PDZD2: variants seen among roughly 807,000 people sequenced by gnomAD.
PDZD2 encodes PDZ domain-containing protein 2.
In PDZD2, 90 loss-of-function variants were observed where a neutral mutation model predicts 220.7. That is an observed-to-expected ratio of 0.41 (90% CI 0.34 to 0.49). The LOEUF (loss-of-function observed/expected upper bound fraction) is 0.49. Ranked by LOEUF, PDZD2 falls within the 20% of genes least tolerant of loss-of-function variation. The pLI, the probability that PDZD2 is intolerant of heterozygous loss-of-function variation, is 0.28. For missense variants in PDZD2, 3,174 were observed against 3,608.5 expected (o/e 0.88, Z 3.08); for synonymous variants, 1,375 against 1,450.5 (o/e 0.95, Z 1.18).
At chr5:31,673,344 A>G (rs114224840) in intron 1 of PDZD2, among the ~76,000 whole-genome samples, 1,549 of 152,318 alleles carry the variant, frequency 0.01, 21 homozygotes, top group African/African-American at 0.035. Flanking sequence ...GGGGGAATGC[A>G]CTGCGAGCTC....
intron 1 of PDZD2, among the ~76,000 whole-genome samples, chr5:31,640,430 C>G (rs762549922): frequency 4.6e-5 from 7 of 152,224 alleles, no homozygotes; most frequent in Admixed American, 1.3e-4. Flanking sequence ...CTGCAGCTGG[C>G]CTAACCTCTT....
chr5:31,991,469 C>G (rs1255591069), intron 3 of PDZD2, among the ~76,000 whole-genome samples: 1 of 152,118 alleles, frequency 6.6e-6, no homozygotes, highest in East Asian at 1.9e-4. Flanking sequence ...GCTTGTGGAT[C>G]ATCTTTAGCC....
At chr5:31,823,050 GC>G in intron 2 of PDZD2, 2 of 1,137,104 alleles carry the variant, frequency 1.8e-6, no homozygotes, top group South Asian at 1.2e-5. Flanking sequence ...TTCCTCTGGG[GC>G]CCTTCACAAT....
At chr5:31,663,785 G>A (rs561386130) in intron 1 of PDZD2, among the ~76,000 whole-genome samples, 29 of 152,312 alleles carry the variant, frequency 1.9e-4, no homozygotes, top group African/African-American at 5.3e-4. Context: ...CACTGCTGTC[G>A]TATGAATCAC....
chr5:31,981,798 A>C (rs765521604), intron 2 of PDZD2, among the ~76,000 whole-genome samples: 7 of 152,208 alleles, frequency 4.6e-5, no homozygotes, highest in Admixed American at 4.6e-4. Context: ...CTTAGGTAGC[A>C]TGAGTGGAGG....
chr5:31,793,177 T>C (rs1753819401), intron 1 of PDZD2, among the ~76,000 whole-genome samples: 1 of 147,942 alleles, frequency 6.8e-6, no homozygotes, highest in Non-Finnish European at 1.5e-5. Flanking sequence ...CACACAGTTA[T>C]GCTCAGAAAA....
intron 1 of PDZD2, among the ~76,000 whole-genome samples, chr5:31,722,073 A>G (rs1748840581): frequency 6.6e-6 from 1 of 152,128 alleles, no homozygotes; most frequent in Non-Finnish European, 1.5e-5. Flanking sequence ...CACTGCTTCC[A>G]TCCCCAAGCA....
At chr5:31,920,289 TAAATAAA>T (rs1744100791) in intron 2 of PDZD2, among the ~76,000 whole-genome samples, 2 of 84,122 alleles carry the variant, frequency 2.4e-5, no homozygotes, top group East Asian at 2.5e-4. Context: ...GTTTCAAAAA[TAAATAAA>T]AATAAATAAA....
chr5:31,933,605 C>G (rs1276960113), intron 2 of PDZD2, among the ~76,000 whole-genome samples: 1 of 151,548 alleles, frequency 6.6e-6, no homozygotes. Context: ...TGAGCCCCTG[C>G]CTACAAAGAT....
chr5:31,845,508 C>T (rs1161066428), intron 2 of PDZD2, among the ~76,000 whole-genome samples: 1 of 152,176 alleles, frequency 6.6e-6, no homozygotes, highest in Non-Finnish European at 1.5e-5. Context: ...GAAGAGAGAG[C>T]TAACAGTGGG....
At chr5:31,899,447 C>T (rs1174348940) in intron 2 of PDZD2, among the ~76,000 whole-genome samples, 1 of 152,088 alleles carries the variant, frequency 6.6e-6, no homozygotes, top group Non-Finnish European at 1.5e-5. Flanking sequence ...CCTCTCTTTT[C>T]ACAAGGGAAA....
intron 2 of PDZD2, among the ~76,000 whole-genome samples, chr5:31,881,688 A>G (rs747840636): frequency 1.8e-5 from 2 of 114,038 alleles, no homozygotes; most frequent in African/African-American, 7.3e-5. Flanking sequence ...ATGCATATAC[A>G]TAATACAATA....
chr5:31,667,722 C>A (rs554790930), intron 1 of PDZD2, among the ~76,000 whole-genome samples: 1 of 152,184 alleles, frequency 6.6e-6, no homozygotes, highest in Admixed American at 6.5e-5. Context: ...CAACAGCTCA[C>A]TCCTGAAGGC....
chr5:31,932,881 G>T (rs778475358), intron 2 of PDZD2, among the ~76,000 whole-genome samples: 2 of 149,580 alleles, frequency 1.3e-5, no homozygotes, highest in Non-Finnish European at 2.9e-5. Context: ...TTTATAACTG[G>T]CTTATTTCAC....
At chr5:31,765,780 G>A (rs2150192025) in intron 1 of PDZD2, among the ~76,000 whole-genome samples, 1 of 152,254 alleles carries the variant, frequency 6.6e-6, no homozygotes, top group African/African-American at 2.4e-5. Flanking sequence ...ACCTTTGCAG[G>A]GCCTCAAGAG....
intron 1 of PDZD2, among the ~76,000 whole-genome samples, chr5:31,674,491 T>C (rs1297590966): frequency 6.6e-6 from 1 of 152,166 alleles, no homozygotes. Context: ...CAAAAATAAT[T>C]TGTAAAATGT....
chr5:31,652,926 C>T (rs928576223), intron 1 of PDZD2, among the ~76,000 whole-genome samples: 4 of 151,984 alleles, frequency 2.6e-5, no homozygotes, highest in African/African-American at 4.8e-5. Flanking sequence ...GTGGGAGAAT[C>T]GCTTGAACCT....
intron 2 of PDZD2, among the ~76,000 whole-genome samples, chr5:31,948,424 T>C (rs1436556074): frequency 6.6e-6 from 1 of 152,184 alleles, no homozygotes; most frequent in Non-Finnish European, 1.5e-5. Context: ...GATTTTAATA[T>C]CTGTAAAGAG....
chr5:32,032,243 A>G (rs1300516851), intron 6 of PDZD2, among the ~76,000 whole-genome samples: 1 of 152,192 alleles, frequency 6.6e-6, no homozygotes, highest in African/African-American at 2.4e-5. Context: ...GGTGAATTCC[A>G]GAGGCCCAGG....
Sources: gnomAD v4.1 joint callset for allele counts (sites outside exome capture counted in the v4.1 genomes callset) on GRCh38, gnomAD v4.1.1 for gene constraint, MANE v1.5 for transcripts, NCBI Gene and HGNC (gene_info 2026-07-23, HGNC 2026-07-21) for gene names.